Variants in MAPKAP1 observed in about 807,000 individuals in gnomAD.
MAPKAP1 encodes target of rapamycin complex 2 subunit MAPKAP1.
In MAPKAP1, 20 loss-of-function variants were observed where a neutral mutation model predicts 65.7. The observed-to-expected ratio is 0.30, with a 90% CI of 0.21 to 0.44. MAPKAP1 has a LOEUF of 0.44. Among genes scored for constraint, MAPKAP1 ranks in the 20% least tolerant of loss-of-function variants. MAPKAP1 has a pLI of 1.00. For missense variants in MAPKAP1, 423 were observed against 648.0 expected, an observed-to-expected ratio of 0.65 and a Z score of 3.77; for synonymous variants, 222 against 244.3, an observed-to-expected ratio of 0.91 and a Z score of 0.85.
intron 7 of MAPKAP1, among the ~76,000 whole-genome samples, chr9:125,539,703 T>C (rs1299996779): frequency 6.6e-6 from 1 of 152,264 alleles, no homozygotes; most frequent in African/African-American, 2.4e-5. Flanking sequence ...AGCCACTCTT[T>C]ACTATGTCAA....
chr9:125,543,356 T>G (rs2133171696), intron 6 of MAPKAP1, among the ~76,000 whole-genome samples, 188 bp from the exon 7 acceptor site: 1 of 151,976 alleles, frequency 6.6e-6, no homozygotes, highest in South Asian at 2.1e-4. Flanking sequence ...AAGATCCGCC[T>G]CCTGGGTTCA....
At chr9:125,682,142 T>C (rs1194893005) in intron 1 of MAPKAP1, among the ~76,000 whole-genome samples, 1 of 152,220 alleles carries the variant, frequency 6.6e-6, no homozygotes. Flanking sequence ...AAATGTACCA[T>C]GGTTACTTTG....
intron 4 of MAPKAP1, among the ~76,000 whole-genome samples, chr9:125,629,091 A>ACACACACACACACACC (rs1564591583): frequency 4.2e-5 from 6 of 143,708 alleles, no homozygotes; most frequent in African/African-American, 1.3e-4. Context: ...ACACACACAC[A>ACACACACACACACACC]CCAGAAAATA....
chr9:125,467,543 G>A (rs1337006922), intron 10 of MAPKAP1, among the ~76,000 whole-genome samples: 3 of 152,150 alleles, frequency 2.0e-5, no homozygotes, highest in African/African-American at 4.8e-5. Flanking sequence ...AAATCTAGGC[G>A]TTCGCCGCCT....
At chr9:125,586,217 C>T (rs1339638827) in intron 4 of MAPKAP1, among the ~76,000 whole-genome samples, 1 of 152,160 alleles carries the variant, frequency 6.6e-6, no homozygotes, top group Non-Finnish European at 1.5e-5. Flanking sequence ...CTAGGCAGTA[C>T]ATCTGTTTCC....
At chr9:125,664,724 C>CAAAAAAAAAAAAA (rs1199612669) in intron 3 of MAPKAP1, among the ~76,000 whole-genome samples, 1 of 59,918 alleles carries the variant, frequency 1.7e-5, no homozygotes, top group African/African-American at 5.3e-5. Flanking sequence ...GACTCACTCT[C>CAAAAAAAAAAAAA]AAAAAAAAAA....
intron 11 of MAPKAP1, among the ~76,000 whole-genome samples, chr9:125,440,587 C>T (rs1295928173): frequency 6.6e-6 from 1 of 152,180 alleles, no homozygotes; most frequent in African/African-American, 2.4e-5. Context: ...CAGAGGGCTC[C>T]CGGGGGAGGC....
chr9:125,503,043 T>A (rs1022162145), intron 8 of MAPKAP1, among the ~76,000 whole-genome samples: 1 of 152,190 alleles, frequency 6.6e-6, no homozygotes, highest in Non-Finnish European at 1.5e-5. Flanking sequence ...GTATTCTGCC[T>A]CATGTTAATA....
chr9:125,598,480 G>A (rs904902399), intron 4 of MAPKAP1, among the ~76,000 whole-genome samples: 3 of 152,098 alleles, frequency 2.0e-5, no homozygotes, highest in Admixed American at 6.5e-5. Flanking sequence ...TATTAAGAAC[G>A]TCAACTGCCA....
intron 4 of MAPKAP1, among the ~76,000 whole-genome samples, chr9:125,591,212 A>G (rs1215847491): frequency 6.6e-6 from 1 of 152,180 alleles, no homozygotes; most frequent in African/African-American, 2.4e-5. Flanking sequence ...GTAAACACCA[A>G]CGCCTTCTTT....
At chr9:125,466,760 T>G (rs905149121) in intron 10 of MAPKAP1, among the ~76,000 whole-genome samples, 1 of 152,160 alleles carries the variant, frequency 6.6e-6, no homozygotes, top group Non-Finnish European at 1.5e-5. Flanking sequence ...GCCTTCCTCC[T>G]TCCCCTGGGT....
chr9:125,439,134 G>T lies in MAPKAP1; in HGVS notation c.1444-122C>A. 1 of 1,091,592 alleles carries T rather than the reference G, an allele frequency of 9.2e-7. No individual in the cohort carries two copies. The highest frequency in any genetic ancestry group is 1.3e-6 in the Non-Finnish European group (1 of 770,468). 67.6% of individuals were successfully genotyped at this position (1,091,592 alleles called of 1,614,324 possible). A position where few individuals can be genotyped will look rare whatever the true frequency, so the allele number is the denominator to read the frequency against. On this transcript the variant is annotated intron_variant, in intron 11 of 11. Transcript: ENST00000265960. This position sits in a 1 kb window ranked among gnomAD's most constrained non-coding sequence, Gnocchi z 4.0. ...GGGTGCCTCAGGGCCAGGTGCTGTCGTGTGGAAGGAGTCCAGTCATCACAG... is the reference window on the plus strand; with the variant it reads ...GGGTGCCTCAGGGCCAGGTGCTGTCTTGTGGAAGGAGTCCAGTCATCACAG...
In MAPKAP1 at chr9:125,585,569, C is replaced by T. The variant is rs778032405; in HGVS notation, c.657G>A (p.Arg219=). 2.0e-5 allele frequency: 32 copies of T among 1,613,740 alleles called. No individual in the cohort carries two copies. Among genetic ancestry groups the T allele is most frequent in the Middle Eastern group, 3.3e-4 (2 of 6,058 alleles). ...GAATGGATTACTTGAGCTTCGGCTC[C>T]CGTCCTTCGCTTGTATACTGCCAGC... is the stretch of plus-strand genomic sequence containing the variant. The part of the protein sequence containing the change: ...LICWQYTSEG[R]EPKLNDNVSA... Residue 219 remains arginine (R), a synonymous_variant, in exon 5 of 12, where the codon CGG becomes CGA. Coordinates refer to ENST00000265960, the MANE Select transcript of MAPKAP1 (RefSeq NM_001006617.3).
chr9:125,580,541 T>TGG (rs1390476585), intron 5 of MAPKAP1, among the ~76,000 whole-genome samples: 1 of 38,876 alleles, frequency 2.6e-5, no homozygotes, highest in Non-Finnish European at 4.7e-5. Flanking sequence ...TGTTGTGGGG[T>TGG]GGGGGGAGGG....
At chr9:125,690,044 C>T (rs1427521307) in intron 1 of MAPKAP1, among the ~76,000 whole-genome samples, 1 of 152,088 alleles carries the variant, frequency 6.6e-6, no homozygotes, top group Admixed American at 6.6e-5. Flanking sequence ...GCCTAGATTG[C>T]GCCATTGCAC....
intron 5 of MAPKAP1, among the ~76,000 whole-genome samples, chr9:125,571,304 CT>C (rs1229275984): frequency 6.6e-6 from 1 of 152,122 alleles, no homozygotes; most frequent in Non-Finnish European, 1.5e-5. Flanking sequence ...TGTCCTAAAA[CT>C]TTTTATCATC....
intron 5 of MAPKAP1, among the ~76,000 whole-genome samples, chr9:125,585,327 T>G (rs1382326616): frequency 2.6e-5 from 4 of 152,182 alleles, no homozygotes; most frequent in Non-Finnish European, 4.4e-5. Context: ...GGTTTGGAAA[T>G]TACTAAAAAT....
chr9:125,597,520 T>C (rs1437771881), intron 4 of MAPKAP1, among the ~76,000 whole-genome samples: 11 of 152,222 alleles, frequency 7.2e-5, no homozygotes, highest in African/African-American at 1.9e-4. Context: ...TTGGCTAGCA[T>C]TGCTATTTAA....
intron 4 of MAPKAP1, among the ~76,000 whole-genome samples, chr9:125,650,650 G>T (rs1185418906): frequency 6.6e-6 from 1 of 152,136 alleles, no homozygotes; most frequent in African/African-American, 2.4e-5. Flanking sequence ...ATTTTTAGAA[G>T]ATGGCTCCAC....
Sources: gnomAD v4.1 joint callset for allele counts (sites outside exome capture counted in the v4.1 genomes callset) on GRCh38, gnomAD v4.1.1 for gene constraint, Gnocchi (gnomAD v3.1) non-coding constraint, MANE v1.5 for transcripts, NCBI Gene and HGNC (gene_info 2026-07-23, HGNC 2026-07-21) for gene names.